Variants in LRRC49 observed in about 807,000 individuals in gnomAD.
LRRC49 encodes leucine-rich repeat-containing protein 49.
A neutral mutation model predicts 83.3 loss-of-function variants in LRRC49; 50 were observed. The observed-to-expected ratio is 0.60, with a 90% confidence interval of 0.48 to 0.76. The LOEUF is 0.76. Among genes scored for constraint, LRRC49 ranks in the 30% least tolerant of loss-of-function variants. The pLI is 0.00. For missense variants in LRRC49, 704 were observed against 809.1 expected (o/e 0.87, Z 1.58); for synonymous variants, 286 against 283.3 (o/e 1.01, Z -0.10).
In LRRC49 at chr15:70,919,137, A is replaced by G. The variant is rs773070799; in HGVS notation, c.655A>G (p.Asn219Asp). The G allele has an allele frequency of 3.1e-6, 5 of 1,613,118 alleles. No individual in the cohort carries two copies. The South Asian group carries it at 4.4e-5, about 14-fold the overall frequency. ...RNFLSHVDNLNGLDSLTELNL... is the reference protein window; with the variant it reads ...RNFLSHVDNLDGLDSLTELNL... ...CTTTTTAAGTCATGTTGATAATCTTAATGGGCTGGATTCACTAACTGAACT... is the reference window on the plus strand; with the variant it reads ...CTTTTTAAGTCATGTTGATAATCTTGATGGGCTGGATTCACTAACTGAACT... The change falls in exon 7 of 16, where the codon AAT becomes GAT. Residue 219 changes from asparagine to aspartate, a missense_variant. Asn to Asp is a conservative substitution (Grantham distance 23). Around this residue, in one of 3 missense-constraint regions of LRRC49, gnomAD observed 261 missense variants for 330.5 expected, o/e 0.79. Transcript: ENST00000260382.
chr15:70,854,157 T>G, intron 1 of LRRC49: 1 of 1,130,774 alleles, frequency 8.8e-7, no homozygotes, highest in South Asian at 4.3e-5. Context: ...CGGCAGCGAC[T>G]GCGACGAGGG....
intron 14 of LRRC49, among the ~76,000 whole-genome samples, chr15:71,021,173 G>A (rs769800570): frequency 3.9e-5 from 6 of 152,206 alleles, no homozygotes; most frequent in African/African-American, 1.4e-4. Context: ...GTTTGATATA[G>A]ATCAACAGTA....
intron 1 of LRRC49, chr15:70,859,601 G>A (rs2032736297): frequency 3.1e-6 from 2 of 648,050 alleles, no homozygotes; most frequent in Non-Finnish European, 5.9e-6. Flanking sequence ...TGGGAAGCTT[G>A]GGCATGACCT....
intron 1 of LRRC49, among the ~76,000 whole-genome samples, chr15:70,855,483 A>G (rs1020672727): frequency 6.6e-6 from 1 of 152,244 alleles, no homozygotes; most frequent in Non-Finnish European, 1.5e-5. Context: ...ACCCCAAAAC[A>G]ACAGAACCCT....
intron 5 of LRRC49, among the ~76,000 whole-genome samples, chr15:70,906,159 C>A (rs573881540): frequency 6.7e-6 from 1 of 149,148 alleles, no homozygotes; most frequent in Admixed American, 6.7e-5. Context: ...TGCAGTGGCG[C>A]CATCTCAGCT....
intron 14 of LRRC49, among the ~76,000 whole-genome samples, chr15:71,035,775 C>A (rs1172061928): frequency 6.6e-6 from 1 of 152,038 alleles, no homozygotes; most frequent in Non-Finnish European, 1.5e-5. Flanking sequence ...GATTCCATGT[C>A]TTTGTTATTG....
At chr15:71,008,339 A>C (rs201840989) in intron 11 of LRRC49, 40 bp from the exon 12 acceptor site, 29 of 1,188,038 alleles carry the variant, frequency 2.4e-5, no homozygotes, top group Middle Eastern at 1.9e-4. Flanking sequence ...GGTATTCTGC[A>C]TGATATCTTT....
At chr15:70,933,718 T>C (rs959307499) in intron 7 of LRRC49, among the ~76,000 whole-genome samples, 4 of 152,204 alleles carry the variant, frequency 2.6e-5, no homozygotes, top group African/African-American at 4.8e-5. Flanking sequence ...GAGATTTAGT[T>C]TGAAATTTCT....
chr15:70,923,452 G>A (rs2035080932), intron 7 of LRRC49, among the ~76,000 whole-genome samples: 1 of 151,804 alleles, frequency 6.6e-6, no homozygotes, highest in Non-Finnish European at 1.5e-5. Context: ...TTATTGTTAT[G>A]TATTAACTCT....
chr15:70,901,798 C>T (rs1178428622), intron 4 of LRRC49, among the ~76,000 whole-genome samples: 2 of 152,092 alleles, frequency 1.3e-5, no homozygotes, highest in Non-Finnish European at 2.9e-5. Context: ...GAACCTGGTA[C>T]AAAACACACT....
At chr15:70,911,509 A>C in intron 5 of LRRC49, 23 bp from the exon 6 acceptor site, 1 of 1,364,754 alleles carries the variant, frequency 7.3e-7, no homozygotes. Flanking sequence ...CCGTATTTCT[A>C]TTCTACTTAT....
At chr15:70,994,655 T>G (rs2038016952) in intron 11 of LRRC49, among the ~76,000 whole-genome samples, 1 of 151,926 alleles carries the variant, frequency 6.6e-6, no homozygotes, top group African/African-American at 2.4e-5. Context: ...TTGTATTTTT[T>G]GTAGAGATGG....
intron 1 of LRRC49, among the ~76,000 whole-genome samples, chr15:70,854,329 C>T (rs903940928): frequency 2.0e-5 from 3 of 151,984 alleles, no homozygotes; most frequent in African/African-American, 7.2e-5. Flanking sequence ...GGCGGCTTTC[C>T]GGAGCTCCTC....
chr15:70,939,673 C>A (rs1277290227), intron 8 of LRRC49, among the ~76,000 whole-genome samples: 1 of 152,018 alleles, frequency 6.6e-6, no homozygotes, highest in Non-Finnish European at 1.5e-5. Flanking sequence ...ATAAAACTGA[C>A]AAAAATAATG....
At chr15:70,933,180 T>C (rs1414611515) in intron 7 of LRRC49, among the ~76,000 whole-genome samples, 1 of 152,188 alleles carries the variant, frequency 6.6e-6, no homozygotes, top group African/African-American at 2.4e-5. Context: ...TTTTTTCTAT[T>C]TTTTAAAAGA....
Position 70,963,026 on chromosome 15 carries a change from G to C in LRRC49, c.774-759G>C, listed in dbSNP as rs146808958. 1.3e-3 allele frequency among the ~76,000 whole-genome samples: 193 copies of C among 151,956 alleles called. 2 individuals are homozygous for C. Among genetic ancestry groups the C allele is most frequent in the Admixed American group, 2.0e-3 (30 of 15,252 alleles). The stretch of plus-strand genomic sequence containing the variant: ...CATGCCTGTTAATTCCAGCACTTTG[G>C]GGGGGCAAGGTGGGAGGATCGCTTA... On this transcript the variant is annotated intron_variant, in intron 8 of 15. Coordinates refer to ENST00000260382, the MANE Select transcript of LRRC49 (RefSeq NM_017691.5).
intron 2 of LRRC49, chr15:70,882,374 G>T (rs2033284091): frequency 8.0e-7 from 1 of 1,246,294 alleles, no homozygotes; most frequent in Admixed American, 2.2e-5. Context: ...TGAAGTGAAA[G>T]ATTTACAATA....
chr15:70,943,282 C>T lies in LRRC49; in HGVS notation c.773+6460C>T, dbSNP rs577250824. On this transcript the variant is annotated intron_variant, in intron 8 of 15. Coordinates refer to ENST00000260382, the MANE Select transcript of LRRC49 (RefSeq NM_017691.5). Reference sequence around the variant, plus strand: ...AATCTATATGGGTCTGCAGCAACCTCAATTCTTGCCTCCTCAGAAGAAAGA... The same window carrying T: ...AATCTATATGGGTCTGCAGCAACCTTAATTCTTGCCTCCTCAGAAGAAAGA... Among the ~76,000 whole-genome samples, 8 of 152,176 alleles carry T rather than the reference C, an allele frequency of 5.3e-5. 1 individual carries two copies. The South Asian group carries it at 1.7e-3, about 32-fold the overall frequency.
At chr15:70,877,911 C>T (rs1001212991) in intron 2 of LRRC49, among the ~76,000 whole-genome samples, 2 of 152,164 alleles carry the variant, frequency 1.3e-5, no homozygotes, top group Admixed American at 6.5e-5. Context: ...AGGTGGATCA[C>T]GAGGTCAGGA....
Sources: allele counts gnomAD v4.1 joint callset (sites outside exome capture counted in the v4.1 genomes callset), GRCh38; gene constraint gnomAD v4.1.1; regional missense constraint gnomAD v4.1.1; transcripts MANE v1.5; gene names NCBI Gene and HGNC (gene_info 2026-07-23, HGNC 2026-07-21).